Variants in COL5A2 observed in about 807,000 individuals in gnomAD.
COL5A2 encodes collagen type V alpha 2 chain.
A neutral mutation model predicts 208.2 loss-of-function variants in COL5A2; 23 were observed. That is an observed-to-expected ratio of 0.11 (90% CI 0.08 to 0.16). The LOEUF (loss-of-function observed/expected upper bound fraction) is 0.16, where lower values mean the gene tolerates loss of function less well. Among genes scored for constraint, COL5A2 ranks in the 10% least tolerant of loss-of-function variants. COL5A2 has a pLI of 1.00. For missense variants in COL5A2, 1,590 were observed against 1,956.4 expected, an observed-to-expected ratio of 0.81 and a Z score of 3.53; for synonymous variants, 625 against 628.5, an observed-to-expected ratio of 0.99 and a Z score of 0.08.
upstream of COL5A2, among the ~76,000 whole-genome samples, chr2:189,184,734 CA>C (rs1295921066): frequency 6.6e-6 from 1 of 152,168 alleles, no homozygotes; most frequent in Non-Finnish European, 1.5e-5. Context: ...AGTCTTTAAT[CA>C]CATCAGCCAA....
chr2:189,037,991 G>T (rs1356975114), intron 51 of COL5A2, among the ~76,000 whole-genome samples: 1 of 152,028 alleles, frequency 6.6e-6, no homozygotes, highest in Non-Finnish European at 1.5e-5. Context: ...CATGAAACTG[G>T]ATTATTAATA....
upstream of COL5A2, among the ~76,000 whole-genome samples, chr2:189,183,166 C>G (rs924228005): frequency 6.6e-6 from 1 of 152,166 alleles, no homozygotes. Context: ...GAGACACCAA[C>G]ATCCCTTTGT....
At chr2:189,401,210 T>C in the COL5A2 span, among the ~76,000 whole-genome samples, 5 of 152,144 alleles carry the variant, frequency 3.3e-5, no homozygotes, top group Admixed American at 3.3e-4. Context: ...TCCTTCATTA[T>C]CCCTCCTCCC....
chr2:189,320,511 T>A, the COL5A2 span, among the ~76,000 whole-genome samples: 1 of 152,050 alleles, frequency 6.6e-6, no homozygotes, highest in Non-Finnish European at 1.5e-5. Context: ...GAGAACTACG[T>A]GACAAATGCA....
the COL5A2 span, among the ~76,000 whole-genome samples, chr2:189,405,080 T>G: frequency 6.6e-6 from 1 of 152,280 alleles, no homozygotes; most frequent in African/African-American, 2.4e-5. Context: ...CCAATAAAAG[T>G]AGTTCCCTGG....
intron 2 of COL5A2, among the ~76,000 whole-genome samples, chr2:189,107,261 T>C (rs921167073): frequency 2.0e-5 from 3 of 151,756 alleles, no homozygotes; most frequent in Non-Finnish European, 1.5e-5. Flanking sequence ...AGAAAATCCA[T>C]GTTCTAAGAT....
At chr2:189,213,412 C>T (rs985675673) in intron 1 of COL5A2, among the ~76,000 whole-genome samples, 5 of 152,084 alleles carry the variant, frequency 3.3e-5, no homozygotes, top group Non-Finnish European at 4.4e-5. Flanking sequence ...TGCCAAAACA[C>T]GTCATAAAAA....
chr2:189,248,486 T>C, the COL5A2 span, among the ~76,000 whole-genome samples: 1 of 152,180 alleles, frequency 6.6e-6, no homozygotes. Flanking sequence ...AGAAGTATTA[T>C]CAAATGTGTA....
the COL5A2 span, among the ~76,000 whole-genome samples, chr2:189,392,334 G>T: frequency 6.6e-6 from 1 of 152,074 alleles, no homozygotes; most frequent in Non-Finnish European, 1.5e-5. Context: ...CTTCCTAAAA[G>T]ATGTCATACT....
the COL5A2 span, among the ~76,000 whole-genome samples, chr2:189,289,084 G>T: frequency 1.3e-5 from 2 of 152,194 alleles, no homozygotes; most frequent in Non-Finnish European, 2.9e-5. Context: ...GCTCACACCT[G>T]TAATCCCAGC....
chr2:189,200,840 A>T (rs1457693207), intron 1 of COL5A2, among the ~76,000 whole-genome samples: 1 of 152,098 alleles, frequency 6.6e-6, no homozygotes, highest in Admixed American at 6.5e-5. Context: ...AAATAAAAAA[A>T]AATGTCAATC....
chr2:189,433,467 C>G, the COL5A2 span, among the ~76,000 whole-genome samples: 1 of 151,702 alleles, frequency 6.6e-6, no homozygotes, highest in Non-Finnish European at 1.5e-5. Context: ...AGAGAAGAAT[C>G]AAATAGATGC....
At chr2:189,257,748 AAC>A in the COL5A2 span, among the ~76,000 whole-genome samples, 1 of 152,220 alleles carries the variant, frequency 6.6e-6, no homozygotes, top group Non-Finnish European at 1.5e-5. Flanking sequence ...AGTAAAAGAC[AAC>A]TTCCAAGTGG....
chr2:189,430,683 A>G, the COL5A2 span, among the ~76,000 whole-genome samples: 1 of 55,056 alleles, frequency 1.8e-5, no homozygotes, highest in Non-Finnish European at 5.0e-5. Flanking sequence ...GCAGCCAGAA[A>G]GCTTGAACTG....
intron 45 of COL5A2, among the ~76,000 whole-genome samples, chr2:189,046,553 T>A (rs1685672395): frequency 6.6e-6 from 1 of 152,144 alleles, no homozygotes; most frequent in Admixed American, 6.6e-5. Context: ...AGAGGCTCCT[T>A]TTTATTTTAT....
At chr2:189,280,352 C>T in the COL5A2 span, among the ~76,000 whole-genome samples, 1 of 152,086 alleles carries the variant, frequency 6.6e-6, no homozygotes, top group African/African-American at 2.4e-5. Flanking sequence ...CATTTTGCAG[C>T]ATTTATTTTG....
At chr2:189,139,176 G>C (rs892583421) in intron 1 of COL5A2, among the ~76,000 whole-genome samples, 2 of 152,152 alleles carry the variant, frequency 1.3e-5, no homozygotes, top group African/African-American at 4.8e-5. Context: ...TTGGGAGGCC[G>C]AGGCAGGAGA....
chr2:189,311,754 C>T, the COL5A2 span: 175 of 787,452 alleles, frequency 2.2e-4, 3 homozygotes, highest in South Asian at 2.3e-3. Context: ...ACTTGTCAAG[C>T]TCCTCTCGGT....
At chr2:189,096,738 T>C (rs922191899) in intron 6 of COL5A2, among the ~76,000 whole-genome samples, 2 of 152,188 alleles carry the variant, frequency 1.3e-5, no homozygotes, top group South Asian at 2.1e-4. Flanking sequence ...AATATCCTCA[T>C]GTTTTATCTC....
Sources: gnomAD v4.1 joint callset for allele counts (sites outside exome capture counted in the v4.1 genomes callset) on GRCh38, gnomAD v4.1.1 for gene constraint, MANE v1.5 for transcripts, NCBI Gene and HGNC (gene_info 2026-07-23, HGNC 2026-07-21) for gene names.